DNAJA3: variants seen among roughly 807,000 people sequenced by gnomAD.
DNAJA3 encodes the protein dnaJ homolog subfamily A member 3, mitochondrial.
Under a neutral mutation model 54.9 loss-of-function variants are expected in DNAJA3, and 29 were observed. That is an observed-to-expected ratio of 0.53 (90% confidence interval 0.39 to 0.72). The LOEUF is 0.72. Ranked by LOEUF, DNAJA3 falls within the 30% of genes least tolerant of loss-of-function variation. DNAJA3 has a pLI of 0.00. For missense variants in DNAJA3, 708 were observed against 639.4 expected (o/e 1.11, Z -1.16); for synonymous variants, 302 against 251.4 (o/e 1.20, Z -1.90).
chr16:4,440,031 G>A (rs907371051), intron 3 of DNAJA3, among the ~76,000 whole-genome samples: 3 of 152,028 alleles, frequency 2.0e-5, no homozygotes, highest in South Asian at 2.1e-4. Context: ...CTCAACCTCC[G>A]TGCTCAAGCA....
At chr16:4,428,873 T>G (rs1011570896) in intron 1 of DNAJA3, among the ~76,000 whole-genome samples, 1 of 148,916 alleles carries the variant, frequency 6.7e-6, no homozygotes, top group African/African-American at 2.5e-5. Flanking sequence ...ATCCCATCTC[T>G]ACAAAAAGAT....
rs2056834599 is a variant in DNAJA3, at chr16:4,441,419, C to T, written c.474C>T (p.Gly158=). 16 of 1,614,164 alleles carry T rather than the reference C, an allele frequency of 9.9e-6. No homozygotes were observed. The highest frequency in any genetic ancestry group is 1.3e-5 in the African/African-American group (1 of 75,054). The change falls in exon 4 of 12, where the codon GGC becomes GGT. Residue 158 remains glycine (G), a synonymous_variant. Coordinates refer to ENST00000262375, the MANE Select transcript of DNAJA3 (RefSeq NM_005147.6). ...AGAGGAAGCAGTACGATGCCTACGG[C>T]TCTGCAGGCTTCGATCCTGGGGCCA... ...EVKRKQYDAY[G]SAGFDPGASG...
intron 8 of DNAJA3, 32 bp downstream of exon 8, chr16:4,447,046 C>A (rs1392556304): frequency 6.2e-7 from 1 of 1,600,914 alleles, no homozygotes; most frequent in East Asian, 2.2e-5. Context: ...TTTGTCACCC[C>A]TGTACTTTAT....
Position 4,455,665 on chromosome 16 carries a change from C to T in DNAJA3, c.*133C>T, listed in dbSNP as rs1005504860. On this transcript the variant is annotated 3_prime_UTR_variant, in exon 12 of 12. Coordinates refer to ENST00000262375, the MANE Select transcript of DNAJA3 (RefSeq NM_005147.6). ...AGCTCCCACCCGCAGAGCCTCTGGA[C>T]GGCCTTGGCAACAGCAAAATCATGG... 5.5e-5 allele frequency: 79 copies of T among 1,438,748 alleles called. No homozygotes were observed. The South Asian group carries it at 6.7e-4, about 12-fold the overall frequency. 89.1% of individuals were successfully genotyped at this position (1,438,748 alleles called of 1,614,324 possible). A position where few individuals can be genotyped will look rare whatever the true frequency, so the allele number is the denominator to read the frequency against.
rs149170986 is a variant in DNAJA3 at position 4,428,695 on chromosome 16, C to T, written c.211+2603C>T. Among the ~76,000 whole-genome samples, 34 of 152,212 alleles carry T rather than the reference C, an allele frequency of 2.2e-4. No homozygotes were observed. The East Asian group carries it at 5.8e-3, about 26-fold the overall frequency. On this transcript the variant is annotated intron_variant, in intron 1 of 11. Coordinates refer to ENST00000262375, the MANE Select transcript of DNAJA3 (RefSeq NM_005147.6). ...GGCAAGTTTTATATCAGGTAGTGTACACAGGTGAGAGGTGGCATCCTTCAG... is the reference window on the plus strand; with the variant it reads ...GGCAAGTTTTATATCAGGTAGTGTATACAGGTGAGAGGTGGCATCCTTCAG...
intron 4 of DNAJA3, 75 bp from the exon 5 acceptor site, chr16:4,442,193 C>CTT: frequency 6.8e-7 from 1 of 1,468,804 alleles, no homozygotes; most frequent in Non-Finnish European, 9.1e-7. Context: ...CAGTACCCTC[C>CTT]TTTCCCTTTA....
At chr16:4,445,844 G>C (rs753277916) in intron 7 of DNAJA3, among the ~76,000 whole-genome samples, 9 of 152,056 alleles carry the variant, frequency 5.9e-5, no homozygotes, top group Admixed American at 1.3e-4. Context: ...GAGCCACTGC[G>C]CCCGGCCTGT....
chr16:4,447,044 C>A, intron 8 of DNAJA3, 30 bp downstream of exon 8: 1 of 1,601,356 alleles, frequency 6.2e-7, no homozygotes, highest in Non-Finnish European at 8.5e-7. Flanking sequence ...CCTTTGTCAC[C>A]CCTGTACTTT....
intron 3 of DNAJA3, among the ~76,000 whole-genome samples, chr16:4,438,328 AAAG>A (rs2056797302): frequency 6.6e-6 from 1 of 152,058 alleles, no homozygotes; most frequent in African/African-American, 2.4e-5. Context: ...AAAAAAAAAA[AAAG>A]AACAGGATCC....
rs2056882518 is a variant in DNAJA3, at chr16:4,444,741, C to G, written c.996+13C>G. On this transcript the variant is annotated intron_variant, in intron 7 of 11. Coordinates refer to ENST00000262375, the MANE Select transcript of DNAJA3 (RefSeq NM_005147.6). ...CATTACGTTCAGGGTAGGTGCCCTGCCCCGCACAGCTTCTGTTGGGCCTTT... is the reference window on the plus strand; with the variant it reads ...CATTACGTTCAGGGTAGGTGCCCTGGCCCGCACAGCTTCTGTTGGGCCTTT... 1 of 1,612,152 alleles carries G rather than the reference C, an allele frequency of 6.2e-7. No individual in the cohort carries two copies. The highest frequency in any genetic ancestry group is 8.5e-7 in the Non-Finnish European group (1 of 1,178,554).
At chr16:4,426,597 G>A (rs1054100752) in intron 1 of DNAJA3, among the ~76,000 whole-genome samples, 1 of 152,258 alleles carries the variant, frequency 6.6e-6, no homozygotes, top group African/African-American at 2.4e-5. Context: ...AAGCAGTCAT[G>A]TCATAGTTTA....
At chr16:4,450,319 T>TG in intron 9 of DNAJA3, 81 bp from the exon 10 acceptor site, 1 of 1,181,570 alleles carries the variant, frequency 8.5e-7, no homozygotes. Flanking sequence ...TCCCATGTGC[T>TG]GCGAGGGTGC....
intron 1 of DNAJA3, among the ~76,000 whole-genome samples, chr16:4,429,699 T>G (rs766742377): frequency 6.6e-6 from 1 of 151,908 alleles, no homozygotes; most frequent in Non-Finnish European, 1.5e-5. Flanking sequence ...CCAGGCCTGG[T>G]GGCGCATGCC....
chr16:4,448,868 T>C lies in DNAJA3; in HGVS notation c.1241+20T>C. ...TCCAAAGTAAGTGCCCCCTAGGCTG[T>C]GGCCAAGCCCGCCTGGTCCTGCGGT... On this transcript the variant is annotated intron_variant, in intron 9 of 11. Transcript: ENST00000262375. The C allele has an allele frequency of 6.3e-7, 1 of 1,592,718 alleles. No homozygotes were observed. The highest frequency in any genetic ancestry group is 8.6e-7 in the Non-Finnish European group (1 of 1,162,672).
At chr16:4,443,315 C>T (rs975936742) in intron 6 of DNAJA3, 151 bp downstream of exon 6, 2 of 991,848 alleles carry the variant, frequency 2.0e-6, no homozygotes, top group African/African-American at 3.3e-5. Flanking sequence ...GCCCTGGAGC[C>T]CCAGGCTGGA....
intron 2 of DNAJA3, among the ~76,000 whole-genome samples, chr16:4,434,886 C>CTTTTTTTTTTTTTTTTTTT (rs202179531): frequency 1.0e-5 from 1 of 100,196 alleles, no homozygotes; most frequent in African/African-American, 4.1e-5. Context: ...CCTTTCCTTT[C>CTTTTTTTTTTTTTTTTTTT]TTTTTTTTTT....
chr16:4,453,753 C>T (rs980774550), intron 10 of DNAJA3, among the ~76,000 whole-genome samples: 1 of 152,186 alleles, frequency 6.6e-6, no homozygotes, highest in Non-Finnish European at 1.5e-5. Flanking sequence ...GAGACTGGGT[C>T]TCACTCTGTT....
At chr16:4,426,860 A>C (rs998374567) in intron 1 of DNAJA3, 1 of 152,158 alleles carries the variant, frequency 6.6e-6, no homozygotes, top group African/African-American at 2.4e-5. Flanking sequence ...TCATTGCCTG[A>C]GATGACACTG....
rs373646266 is a variant in DNAJA3 at position 4,429,468 on chromosome 16, A to G, written c.211+3376A>G. ...CGATCTCTTTACCCATGATCTGTCCACCTCAGCCTCCTAAAGTGCTGGGAT... is the reference window on the plus strand; with the variant it reads ...CGATCTCTTTACCCATGATCTGTCCGCCTCAGCCTCCTAAAGTGCTGGGAT... On this transcript the variant is annotated intron_variant, in intron 1 of 11. Coordinates refer to ENST00000262375, the MANE Select transcript of DNAJA3 (RefSeq NM_005147.6). 6.2e-4 allele frequency among the ~76,000 whole-genome samples: 85 copies of G among 137,858 alleles called. 1 individual carries two copies. Among genetic ancestry groups the G allele is most frequent in the African/African-American group, 2.2e-3 (82 of 36,818 alleles). 90.4% of individuals were successfully genotyped at this position (137,858 alleles called of 152,430 possible).
Sources: allele counts gnomAD v4.1 joint callset (sites outside exome capture counted in the v4.1 genomes callset), GRCh38; gene constraint gnomAD v4.1.1; transcripts MANE v1.5; gene names NCBI Gene and HGNC (gene_info 2026-07-23, HGNC 2026-07-21).